The following CHSY3 variants were observed in gnomAD, a reference collection of about 807,000 sequenced individuals.
CHSY3 encodes the protein chondroitin sulfate synthase 3.
CHSY3 carries 35 observed loss-of-function variants against 67.2 expected under a neutral mutation model. The ratio of observed to expected loss-of-function variants is 0.52; its 90% CI spans 0.40 to 0.69. CHSY3 has a LOEUF of 0.69. CHSY3 is among the 30% of genes least tolerant of loss of function. The pLI is 0.00. For missense variants in CHSY3, 1,069 were observed against 1,138.5 expected (o/e 0.94, Z 0.88); for synonymous variants, 474 against 434.7 (o/e 1.09, Z -1.12).
chr5:130,081,612 T>C (rs754056512), intron 2 of CHSY3, among the ~76,000 whole-genome samples: 1 of 151,912 alleles, frequency 6.6e-6, no homozygotes, highest in Non-Finnish European at 1.5e-5. Flanking sequence ...TGGTGAGAGG[T>C]AATTGAATCA....
At chr5:129,979,960 T>C (rs941692661) in intron 2 of CHSY3, among the ~76,000 whole-genome samples, 2 of 152,236 alleles carry the variant, frequency 1.3e-5, no homozygotes, top group African/African-American at 2.4e-5. Context: ...AATATTTCAT[T>C]TCCCTGATAT....
intron 2 of CHSY3, among the ~76,000 whole-genome samples, chr5:130,058,259 A>AT (rs1283780065): frequency 1.3e-5 from 2 of 152,178 alleles, no homozygotes; most frequent in Admixed American, 6.5e-5. Context: ...TCATTGACAA[A>AT]TTATCCTTTA....
chr5:129,957,550 G>GA (rs1307426766), intron 2 of CHSY3, among the ~76,000 whole-genome samples: 2 of 152,026 alleles, frequency 1.3e-5, no homozygotes, highest in African/African-American at 4.8e-5. Flanking sequence ...AGTATCTGTA[G>GA]TTTTTCCTCA....
intron 2 of CHSY3, among the ~76,000 whole-genome samples, chr5:130,017,298 G>T (rs1167767500): frequency 6.6e-6 from 1 of 152,110 alleles, no homozygotes; most frequent in Non-Finnish European, 1.5e-5. Context: ...TTTAGCAGCT[G>T]CATGGTGATT....
intron 2 of CHSY3, among the ~76,000 whole-genome samples, chr5:130,014,339 T>C (rs906312840): frequency 7.2e-5 from 11 of 152,292 alleles, no homozygotes; most frequent in African/African-American, 2.6e-4. Context: ...TCCATTTTCA[T>C]GCTGCTATGA....
intron 2 of CHSY3, among the ~76,000 whole-genome samples, chr5:129,930,180 A>C (rs1271128426): frequency 6.6e-6 from 1 of 152,026 alleles, no homozygotes; most frequent in African/African-American, 2.4e-5. Flanking sequence ...TAAAAATACA[A>C]AAATTAGCCA....
At chr5:130,024,967 C>A (rs1476617991) in intron 2 of CHSY3, among the ~76,000 whole-genome samples, 1 of 152,056 alleles carries the variant, frequency 6.6e-6, no homozygotes, top group African/African-American at 2.4e-5. Context: ...TTTTATTAGT[C>A]TATTTTTATT....
chr5:130,047,253 C>T (rs1057246699), intron 2 of CHSY3, among the ~76,000 whole-genome samples: 2 of 152,054 alleles, frequency 1.3e-5, no homozygotes, highest in Non-Finnish European at 2.9e-5. Context: ...ACTCAGCTCA[C>T]CTTTTATCTG....
chr5:130,027,784 C>T (rs1194693174), intron 2 of CHSY3, among the ~76,000 whole-genome samples: 2 of 152,086 alleles, frequency 1.3e-5, no homozygotes, highest in African/African-American at 4.8e-5. Context: ...ATCCATGTCC[C>T]TACAAAGGAC....
At chr5:129,928,297 A>G (rs932359231) in intron 2 of CHSY3, among the ~76,000 whole-genome samples, 2 of 150,418 alleles carry the variant, frequency 1.3e-5, no homozygotes, top group Non-Finnish European at 2.9e-5. Flanking sequence ...TTTCAGTAGA[A>G]TAGAATTTAC....
chr5:129,965,237 C>T (rs1762438196), intron 2 of CHSY3, among the ~76,000 whole-genome samples: 1 of 151,862 alleles, frequency 6.6e-6, no homozygotes, highest in African/African-American at 2.4e-5. Context: ...TGCCATTTGA[C>T]ATTGGGGAAG....
At chr5:130,114,996 T>G (rs1401221259) in intron 2 of CHSY3, among the ~76,000 whole-genome samples, 3 of 152,158 alleles carry the variant, frequency 2.0e-5, no homozygotes, top group Non-Finnish European at 2.9e-5. Context: ...CTTTGGAATG[T>G]GCAACAGAGA....
At chr5:129,979,943 G>A (rs1345945281) in intron 2 of CHSY3, among the ~76,000 whole-genome samples, 1 of 152,022 alleles carries the variant, frequency 6.6e-6, no homozygotes, top group Admixed American at 6.5e-5. Flanking sequence ...TTCTTTTAAT[G>A]ATAGATAATA....
chr5:130,037,019 T>C (rs1163109924), intron 2 of CHSY3, among the ~76,000 whole-genome samples: 2 of 152,076 alleles, frequency 1.3e-5, no homozygotes, highest in Non-Finnish European at 2.9e-5. Flanking sequence ...CAAGAACATA[T>C]GGTATCCTGA....
chr5:129,929,342 G>T (rs908480266), intron 2 of CHSY3, among the ~76,000 whole-genome samples: 1 of 152,110 alleles, frequency 6.6e-6, no homozygotes, highest in Admixed American at 6.5e-5. Flanking sequence ...TTTCATTTTC[G>T]GTAGAAACAG....
chr5:130,070,297 A>T (rs1209463584), intron 2 of CHSY3, among the ~76,000 whole-genome samples: 2 of 152,150 alleles, frequency 1.3e-5, no homozygotes, highest in Admixed American at 6.6e-5. Context: ...AAAAGAAATG[A>T]TAGACATTAT....
At chr5:130,101,632 A>G (rs538415090) in intron 2 of CHSY3, among the ~76,000 whole-genome samples, 179 of 152,232 alleles carry the variant, frequency 1.2e-3, no homozygotes, top group South Asian at 4.2e-3. Context: ...ATTTTCAGGT[A>G]TACAATATAT....
chr5:129,908,013 C>G, intron 1 of CHSY3, 64 bp from the exon 2 acceptor site: 1 of 1,557,300 alleles, frequency 6.4e-7, no homozygotes, highest in Non-Finnish European at 8.7e-7. Context: ...CTGTCCCTTA[C>G]CTTGTACATG....
chr5:130,102,937 A>G (rs1448966384), intron 2 of CHSY3, among the ~76,000 whole-genome samples: 1 of 152,116 alleles, frequency 6.6e-6, no homozygotes, highest in African/African-American at 2.4e-5. Flanking sequence ...CTTGAGAATG[A>G]AAGTTGTTTA....
Sources: allele counts gnomAD v4.1 joint callset (sites outside exome capture counted in the v4.1 genomes callset), GRCh38; gene constraint gnomAD v4.1.1; transcripts MANE v1.5; gene names NCBI Gene and HGNC (gene_info 2026-07-23, HGNC 2026-07-21).